HDAC3: variants seen among roughly 807,000 people sequenced by gnomAD.
HDAC3 encodes SMAP45.
Under a neutral mutation model 62.3 loss-of-function variants are expected in HDAC3, and 21 were observed. The observed-to-expected ratio is 0.34, with a 90% confidence interval of 0.24 to 0.49. The LOEUF (loss-of-function observed/expected upper bound fraction) is 0.49. Among genes scored for constraint, HDAC3 ranks in the 20% least tolerant of loss-of-function variants. The pLI, the probability that HDAC3 is intolerant of heterozygous loss-of-function variation, is 0.99. For synonymous variants in HDAC3, 198 were observed against 206.5 expected, an observed-to-expected ratio of 0.96 and a Z score of 0.35; for missense variants, 270 against 556.9, an observed-to-expected ratio of 0.48 and a Z score of 5.19.
At position 141,634,846 on chromosome 5, in the gene HDAC3, G is replaced by A; in HGVS notation, c.246C>T (p.Thr82=). ...RVSPTNMQGF[T]KSLNAFNVGD... Reference sequence around the variant, plus strand: ...CTACGTTGAAGGCATTAAGACTCTTGGTGAAGCCTTGCATATTGGTGGGGC... The same window carrying A: ...CTACGTTGAAGGCATTAAGACTCTTAGTGAAGCCTTGCATATTGGTGGGGC... Residue 82 remains threonine, a synonymous_variant, in exon 3 of 15, where the codon ACC becomes ACT. Coordinates refer to ENST00000305264, the MANE Select transcript of HDAC3 (RefSeq NM_003883.4). The A allele has an allele frequency of 6.2e-7, 1 of 1,614,098 alleles. No individual in the cohort carries two copies. The highest frequency in any genetic ancestry group is 8.5e-7 in the Non-Finnish European group (1 of 1,180,014).
In HDAC3 at chr5:141,625,184, A is replaced by C; in HGVS notation, c.1217+24T>G. The C allele has an allele frequency of 6.3e-7, 1 of 1,580,956 alleles. No individual in the cohort carries two copies. Among genetic ancestry groups the C allele is most frequent in the Non-Finnish European group, 8.6e-7 (1 of 1,168,912 alleles). ...CCTCCCCAGCAAGCCTATTGAAAGT[A>C]GGCTGAAGTCCCTGCTCCCAGACCT... On this transcript the variant is annotated intron_variant, in intron 14 of 14. Coordinates refer to ENST00000305264, the MANE Select transcript of HDAC3 (RefSeq NM_003883.4). The surrounding 1 kb of genome is among the most constrained non-coding windows in gnomAD (Gnocchi z 4.0).
At position 141,625,886 on chromosome 5, in the gene HDAC3, G is replaced by A. The variant is rs993366725; in HGVS notation, c.980-122C>T. 1.6e-6 allele frequency: 2 copies of A among 1,282,156 alleles called. No homozygotes were observed. 79.4% of individuals were successfully genotyped at this position (1,282,156 alleles called of 1,614,324 possible). A position where few individuals can be genotyped will look rare whatever the true frequency, so the allele number is the denominator to read the frequency against. ...AGCTGCCCAATCTCTTCCCTGCTCTGAGCCCAGGGGTTTAGTCTGCAGAGC... is the reference window on the plus strand; with the variant it reads ...AGCTGCCCAATCTCTTCCCTGCTCTAAGCCCAGGGGTTTAGTCTGCAGAGC... On this transcript the variant is annotated intron_variant, in intron 12 of 14. Transcript: ENST00000305264. The surrounding 1 kb of genome is among the most constrained non-coding windows in gnomAD (Gnocchi z 4.0).
Position 141,625,233 on chromosome 5 carries a change from TCTC to T in HDAC3, c.1189_1191del (p.Glu397del). 2.5e-6 allele frequency: 4 copies of T among 1,613,488 alleles called. No individual in the cohort carries two copies. Among genetic ancestry groups the T allele is most frequent in the Non-Finnish European group, 3.4e-6 (4 of 1,179,916 alleles). On this transcript the variant is annotated inframe_deletion, in exon 14 of 15. Coordinates refer to ENST00000305264, the MANE Select transcript of HDAC3 (RefSeq NM_003883.4). The surrounding 1 kb of genome is among the most constrained non-coding windows in gnomAD (Gnocchi z 4.0). Reference sequence around the variant, plus strand: ...CTGCTATAGTTCTCCTCAGGACCCCTCTCCTCTGCATCAGCCTCATCAGTCCTG... The same window carrying T: ...CTGCTATAGTTCTCCTCAGGACCCCTCTCTGCATCAGCCTCATCAGTCCTG...
intron 3 of HDAC3, among the ~76,000 whole-genome samples, chr5:141,634,388 C>T (rs749762193): frequency 6.6e-6 from 1 of 152,116 alleles, no homozygotes; most frequent in Non-Finnish European, 1.5e-5. Flanking sequence ...CTTGTCCCTA[C>T]TGCCTGCTAT....
In HDAC3 at chr5:141,628,475, C is replaced by G; in HGVS notation, c.691+84G>C. 13 of 1,142,718 alleles carry G rather than the reference C, an allele frequency of 1.1e-5. No homozygotes were observed. Among genetic ancestry groups the G allele is most frequent in the Middle Eastern group, 1.9e-4 (1 of 5,194 alleles). 70.8% of individuals were successfully genotyped at this position (1,142,718 alleles called of 1,614,324 possible). A position where few individuals can be genotyped will look rare whatever the true frequency, so the allele number is the denominator to read the frequency against. ...TCATCCTTAAGGACAACTGGCCCAA[C>G]AGCAGACAATACCAGGCAGAAGAGG... On this transcript the variant is annotated intron_variant, in intron 8 of 14. Transcript: ENST00000305264. This position sits in a 1 kb window ranked among gnomAD's most constrained non-coding sequence, Gnocchi z 4.7.
chr5:141,634,530 C>A (rs543556305), intron 3 of HDAC3, among the ~76,000 whole-genome samples: 5 of 152,184 alleles, frequency 3.3e-5, no homozygotes, highest in Non-Finnish European at 7.4e-5. Flanking sequence ...CAATCCTCCA[C>A]GTATACACTC....
At chr5:141,634,136 C>G (rs1216111824) in intron 3 of HDAC3, among the ~76,000 whole-genome samples, 1 of 152,126 alleles carries the variant, frequency 6.6e-6, no homozygotes, top group Non-Finnish European at 1.5e-5. Flanking sequence ...ACCACTCCTT[C>G]GTTGTTTTTT....
At position 141,629,225 on chromosome 5, in the gene HDAC3, C is replaced by T. The variant is rs1473516499; in HGVS notation, c.558G>A (p.Arg186=). ...GVQEAFYLTD[R]VMTVSFHKYG... ...ATTTGTGGAAGGACACCGTCATGAC[C>T]CGGTCAGTGAGGTAGAAAGCTTCTT... The change falls in exon 7 of 15, where the codon CGG becomes CGA. Residue 186 remains arginine, a synonymous_variant. Transcript: ENST00000305264. The surrounding 1 kb of genome is among the most constrained non-coding windows in gnomAD (Gnocchi z 5.3). 1.9e-6 allele frequency: 3 copies of T among 1,614,024 alleles called. No individual in the cohort carries two copies. The highest frequency in any genetic ancestry group is 2.5e-6 in the Non-Finnish European group (3 of 1,180,036).
In HDAC3 at chr5:141,628,562, G is replaced by C; in HGVS notation, c.688C>G (p.Gln230Glu). Residue 230 changes from glutamine (Q) to glutamate (E), a missense_variant, in exon 8 of 15, where the codon CAG (glutamine) becomes GAG (glutamate). Physicochemically the swap from Gln to Glu is conservative, Grantham distance 29 (BLOSUM62 2). Coordinates refer to ENST00000305264, the MANE Select transcript of HDAC3 (RefSeq NM_003883.4). This position sits in a 1 kb window ranked among gnomAD's most constrained non-coding sequence, Gnocchi z 4.7. The part of the protein sequence containing the change: ...NVPLRDGIDD[Q>E]SYKHLFQPVI... The stretch of plus-strand genomic sequence containing the variant: ...GAGGGAAGACTTCGGTACTTACTCT[G>C]GTCATCAATGCCATCCCGCAGGGGC... The C allele has an allele frequency of 6.2e-7, 1 of 1,612,798 alleles. No homozygotes were observed. The highest frequency in any genetic ancestry group is 8.5e-7 in the Non-Finnish European group (1 of 1,178,814).
In HDAC3 at chr5:141,625,835, C is replaced by T. The variant is rs1011651478; in HGVS notation, c.980-71G>A. ...CTAACAAGACTTCCCAATCTTTTTC[C>T]TTCCCATCCAGAGCACCTACATAAT... is the stretch of plus-strand genomic sequence containing the variant. On this transcript the variant is annotated intron_variant, in intron 12 of 14. Coordinates refer to ENST00000305264, the MANE Select transcript of HDAC3 (RefSeq NM_003883.4). This position sits in a 1 kb window ranked among gnomAD's most constrained non-coding sequence, Gnocchi z 4.0. 1.4e-6 allele frequency: 2 copies of T among 1,477,550 alleles called. No individual in the cohort carries two copies. The highest frequency in any genetic ancestry group is 1.4e-5 in the African/African-American group (1 of 72,056). 91.5% of individuals were successfully genotyped at this position (1,477,550 alleles called of 1,614,324 possible).
intron 3 of HDAC3, among the ~76,000 whole-genome samples, chr5:141,631,383 G>T (rs1273548023): frequency 6.6e-6 from 1 of 152,152 alleles, no homozygotes; most frequent in African/African-American, 2.4e-5. Flanking sequence ...TAATGCAATT[G>T]TCAGCTCCAG....
chr5:141,635,111 C>T (rs546007830), intron 2 of HDAC3, 158 bp from the exon 3 acceptor site: 1 of 668,646 alleles, frequency 1.5e-6, no homozygotes, highest in South Asian at 2.2e-5. Flanking sequence ...TCCGATTAAC[C>T]AGGTAAGTTA....
intron 3 of HDAC3, among the ~76,000 whole-genome samples, chr5:141,633,088 G>A (rs898197682): frequency 6.6e-6 from 1 of 152,204 alleles, no homozygotes; most frequent in African/African-American, 2.4e-5. Flanking sequence ...GGATTGGTAT[G>A]AGAATTAAGT....
intron 3 of HDAC3, among the ~76,000 whole-genome samples, chr5:141,632,957 G>A (rs2099905441): frequency 6.6e-6 from 1 of 152,168 alleles, no homozygotes. Context: ...AAAAACCCGG[G>A]ATCTGGATCA....
rs768270778 is a variant in HDAC3 at position 141,626,047 on chromosome 5, T to C, written c.945A>G (p.Val315=). The stretch of plus-strand genomic sequence containing the variant: ...GAAGCTCCTCACTAATGGCCTCTTC[T>C]ACCAGCAGCGATGTCTCATATGTCC... The part of the protein sequence containing the change: ...RCWTYETSLL[V]EEAISEELPY... Residue 315 remains valine (V), a synonymous_variant, in exon 12 of 15, where the codon GTA becomes GTG. Transcript: ENST00000305264. This position sits in a 1 kb window ranked among gnomAD's most constrained non-coding sequence, Gnocchi z 4.6. The C allele has an allele frequency of 1.9e-6, 3 of 1,614,124 alleles. No individual in the cohort carries two copies. The South Asian group carries it at 3.3e-5, about 18-fold the overall frequency.
In HDAC3 at chr5:141,626,118, G is replaced by C. The variant is rs1408381691; in HGVS notation, c.921-47C>G. 2 of 1,605,778 alleles carry C rather than the reference G, an allele frequency of 1.2e-6. No individual in the cohort carries two copies. The highest frequency in any genetic ancestry group is 1.7e-6 in the Non-Finnish European group (2 of 1,172,430). ...GAGCAGGCTGACCAAGTGGGCTGAA[G>C]GACCCATGTGGCCATATCTGAGGGA... On this transcript the variant is annotated intron_variant, in intron 11 of 14. Transcript: ENST00000305264. This position sits in a 1 kb window ranked among gnomAD's most constrained non-coding sequence, Gnocchi z 4.6.
At chr5:141,623,772 G>C (rs2099904016) in intron 14 of HDAC3, among the ~76,000 whole-genome samples, 1 of 152,078 alleles carries the variant, frequency 6.6e-6, no homozygotes, top group East Asian at 1.9e-4. Flanking sequence ...AAGCCCATCA[G>C]GCTCTGCAGC....
chr5:141,626,210 T>G lies in HDAC3; in HGVS notation c.904A>C (p.Asn302His). The G allele has an allele frequency of 6.2e-7, 1 of 1,613,878 alleles. No homozygotes were observed. The highest frequency in any genetic ancestry group is 8.5e-7 in the Non-Finnish European group (1 of 1,179,954). The part of the protein sequence containing the change: ...VLGGGGYTVR[N>H]VARCWTYETS... ...AGTGCTCACCAGCAGCGGGCAACAT[T>G]TCGGACAGTATAACCACCACCACCC... Residue 302 changes from asparagine (N) to histidine (H), a missense_variant, in exon 11 of 15, where the codon AAT becomes CAT. Transcript: ENST00000305264. This position sits in a 1 kb window ranked among gnomAD's most constrained non-coding sequence, Gnocchi z 4.6.
chr5:141,636,814 C>G lies in HDAC3; in HGVS notation c.-24G>C. On this transcript the variant is annotated 5_prime_UTR_variant, in exon 1 of 15. Coordinates refer to ENST00000305264, the MANE Select transcript of HDAC3 (RefSeq NM_003883.4). The stretch of plus-strand genomic sequence containing the variant: ...ATGGTGCCGGCGGGAGCAGGCCCCG[C>G]ACCTCCGCCGCCCGCCGCCCGCGGC... 6.6e-7 allele frequency: 1 copy of G among 1,521,734 alleles called. No individual in the cohort carries two copies. The highest frequency in any genetic ancestry group is 8.8e-7 in the Non-Finnish European group (1 of 1,138,808). 94.3% of individuals were successfully genotyped at this position (1,521,734 alleles called of 1,614,324 possible).
Sources: gnomAD v4.1 joint callset for allele counts (sites outside exome capture counted in the v4.1 genomes callset) on GRCh38, gnomAD v4.1.1 for gene constraint, Gnocchi (gnomAD v3.1) non-coding constraint, MANE v1.5 for transcripts, NCBI Gene and HGNC (gene_info 2026-07-23, HGNC 2026-07-21) for gene names.